CACNA2D3: variants seen among roughly 807,000 people sequenced by gnomAD.
CACNA2D3 encodes calcium voltage-gated channel auxiliary subunit alpha2delta 3, also known as voltage-dependent calcium channel subunit alpha-2/delta-3.
Under a neutral mutation model 160.6 loss-of-function variants are expected in CACNA2D3, and 60 were observed. The observed-to-expected ratio is 0.37, with a 90% CI of 0.30 to 0.46. CACNA2D3 has a LOEUF of 0.46. CACNA2D3 is among the 20% of genes least tolerant of loss of function. The probability of loss-of-function intolerance (pLI) is 1.00; values close to 1 mark genes in which losing one functional copy is unlikely to be tolerated. For missense variants in CACNA2D3, 1,205 were observed against 1,365.0 expected, an observed-to-expected ratio of 0.88 and a Z score of 1.85; for synonymous variants, 558 against 492.9, an observed-to-expected ratio of 1.13 and a Z score of -1.75.
intron 4 of CACNA2D3, among the ~76,000 whole-genome samples, chr3:54,487,334 C>T (rs1457154936): frequency 1.3e-5 from 2 of 152,166 alleles, no homozygotes; most frequent in African/African-American, 4.8e-5. Flanking sequence ...TGCCACTGCA[C>T]TCCTGCTTGG....
intron 3 of CACNA2D3, among the ~76,000 whole-genome samples, chr3:54,383,138 G>A (rs1287775652): frequency 6.6e-6 from 1 of 152,152 alleles, no homozygotes; most frequent in Non-Finnish European, 1.5e-5. Flanking sequence ...CACCCAGCCT[G>A]TTTTAGGTAA....
intron 4 of CACNA2D3, among the ~76,000 whole-genome samples, chr3:54,457,854 C>T (rs1323048624): frequency 6.6e-6 from 1 of 152,066 alleles, no homozygotes; most frequent in Non-Finnish European, 1.5e-5. Flanking sequence ...TCTCTTCTTA[C>T]AGCCTTTGAC....
rs60899252 is a variant in CACNA2D3 at position 54,886,935 on chromosome 3, C to CTTT, written c.2057-1012_2057-1010dup. Among the ~76,000 whole-genome samples, 22 of 107,754 alleles carry CTTT rather than the reference C, an allele frequency of 2.0e-4. 1 individual carries two copies. The highest frequency in any genetic ancestry group is 5.9e-4 in the East Asian group (2 of 3,416). The allele number at this position is 107,754 out of a possible 152,430, so 70.7% of individuals were successfully genotyped here. On this transcript the variant is annotated intron_variant, in intron 23 of 37. Transcript: ENST00000474759. ...CTAGCTTTCGCTTTTCAGCAAAGCTCTTTTTTTTTTTTTTGCCCCCAGTCA... is the reference window on the plus strand; with the variant it reads ...CTAGCTTTCGCTTTTCAGCAAAGCTCTTTTTTTTTTTTTTTTTGCCCCCAGTCA...
At chr3:54,836,824 G>C (rs983406261) in intron 14 of CACNA2D3, among the ~76,000 whole-genome samples, 2 of 152,076 alleles carry the variant, frequency 1.3e-5, no homozygotes, top group Non-Finnish European at 2.9e-5. Flanking sequence ...ATAAGTGTCT[G>C]GGAGGCAAAA....
At chr3:54,304,872 C>T (rs1401604913) in intron 2 of CACNA2D3, among the ~76,000 whole-genome samples, 2 of 151,622 alleles carry the variant, frequency 1.3e-5, no homozygotes, top group African/African-American at 2.4e-5. Context: ...TACCCAGGCA[C>T]GATTGGAATT....
rs1021092922 is a variant in CACNA2D3 at position 54,541,185 on chromosome 3, G to C, written c.545-21615G>C. On this transcript the variant is annotated intron_variant, in intron 5 of 37. Coordinates refer to ENST00000474759, the MANE Select transcript of CACNA2D3 (RefSeq NM_018398.3). ...CCAGCTACTCGGGAGGCTGAGGCAG[G>C]AGAATGGCGTGAACCTGGGAGGCAG... Among the ~76,000 whole-genome samples, 163 of 150,040 alleles carry C rather than the reference G, an allele frequency of 1.1e-3. 2 individuals are homozygous for C. Among genetic ancestry groups the C allele is most frequent in the East Asian group, 1.2e-3 (6 of 5,030 alleles).
At chr3:54,803,184 C>T (rs1397134584) in intron 13 of CACNA2D3, among the ~76,000 whole-genome samples, 4 of 152,210 alleles carry the variant, frequency 2.6e-5, no homozygotes, top group African/African-American at 9.6e-5. Context: ...CAGTTCCTCA[C>T]CAGCAACGGA....
At chr3:55,008,148 G>T (rs558208985) in intron 33 of CACNA2D3, among the ~76,000 whole-genome samples, 9 of 152,334 alleles carry the variant, frequency 5.9e-5, no homozygotes, top group African/African-American at 2.2e-4. Flanking sequence ...TTTTACTGCA[G>T]CCTGGGTGGG....
intron 14 of CACNA2D3, among the ~76,000 whole-genome samples, chr3:54,827,595 G>A (rs1703774625): frequency 6.6e-6 from 1 of 152,154 alleles, no homozygotes; most frequent in Admixed American, 6.5e-5. Flanking sequence ...TTGTGCACCA[G>A]CTTCTCAGCA....
chr3:54,464,479 C>G (rs62254183), intron 4 of CACNA2D3, among the ~76,000 whole-genome samples: 1 of 152,194 alleles, frequency 6.6e-6, no homozygotes, highest in Non-Finnish European at 1.5e-5. Context: ...TGGGCAATGG[C>G]GAGCGCCCCT....
intron 5 of CACNA2D3, among the ~76,000 whole-genome samples, chr3:54,522,582 AT>A (rs1701661726): frequency 6.6e-6 from 1 of 152,152 alleles, no homozygotes; most frequent in Non-Finnish European, 1.5e-5. Context: ...ACAGAAATTT[AT>A]TTTGCTCATA....
In CACNA2D3 at chr3:54,716,882, A is replaced by T. The variant is rs530045288; in HGVS notation, c.1168-35717A>T. Reference sequence around the variant, plus strand: ...GTGGAGCATTTCAAAAATGCATGTGATAAGGGACGCAAAACTTGTGTGGCA... The same window carrying T: ...GTGGAGCATTTCAAAAATGCATGTGTTAAGGGACGCAAAACTTGTGTGGCA... On this transcript the variant is annotated intron_variant, in intron 11 of 37. Transcript: ENST00000474759. 1.5e-4 allele frequency among the ~76,000 whole-genome samples: 23 copies of T among 150,176 alleles called. No homozygotes were observed. In the South Asian group the frequency reaches 4.9e-3, roughly 32 times the overall value.
At chr3:54,434,362 C>T (rs1360770179) in intron 4 of CACNA2D3, among the ~76,000 whole-genome samples, 2 of 152,198 alleles carry the variant, frequency 1.3e-5, no homozygotes, top group African/African-American at 2.4e-5. Context: ...GACCTCCACA[C>T]CCACCCAGCA....
At chr3:54,126,227 A>G (rs1213003139) in intron 2 of CACNA2D3, among the ~76,000 whole-genome samples, 1 of 152,240 alleles carries the variant, frequency 6.6e-6, no homozygotes, top group African/African-American at 2.4e-5. Flanking sequence ...ACTAAAACAT[A>G]CACTTTACAA....
intron 11 of CACNA2D3, among the ~76,000 whole-genome samples, chr3:54,714,307 A>G (rs1701009184): frequency 6.6e-6 from 1 of 152,350 alleles, no homozygotes; most frequent in East Asian, 1.9e-4. Flanking sequence ...AAGCAAAGTC[A>G]TCAAAACTGA....
intron 18 of CACNA2D3, among the ~76,000 whole-genome samples, chr3:54,872,377 C>G (rs1325550191): frequency 2.0e-5 from 3 of 152,100 alleles, no homozygotes; most frequent in Non-Finnish European, 4.4e-5. Context: ...CATCTGGGTC[C>G]CTACTCTTCC....
At chr3:54,809,909 A>C (rs1260260047) in intron 13 of CACNA2D3, among the ~76,000 whole-genome samples, 1 of 152,200 alleles carries the variant, frequency 6.6e-6, no homozygotes, top group Non-Finnish European at 1.5e-5. Flanking sequence ...TAGATCTTAT[A>C]TGGAGGTCAT....
intron 3 of CACNA2D3, among the ~76,000 whole-genome samples, chr3:54,346,595 T>G (rs1017168091): frequency 1.1e-4 from 17 of 152,170 alleles, no homozygotes; most frequent in African/African-American, 3.9e-4. Context: ...AACCCCCATT[T>G]ACCTCCTTCC....
At chr3:54,655,735 G>T (rs182755815) in intron 11 of CACNA2D3, among the ~76,000 whole-genome samples, 30 of 152,154 alleles carry the variant, frequency 2.0e-4, no homozygotes. Flanking sequence ...ATAAGTAGTA[G>T]CTAATGTTCA....
Sources: gnomAD v4.1 joint callset for allele counts (sites outside exome capture counted in the v4.1 genomes callset) on GRCh38, gnomAD v4.1.1 for gene constraint, MANE v1.5 for transcripts, NCBI Gene and HGNC (gene_info 2026-07-23, HGNC 2026-07-21) for gene names.